LRRTM4: variants seen among roughly 807,000 people sequenced by gnomAD.
The protein encoded by LRRTM4 is leucine rich repeat transmembrane neuronal 4, also known as leucine-rich repeat transmembrane neuronal protein 4.
LRRTM4 carries 25 observed loss-of-function variants against 47.6 expected under a neutral mutation model. The observed-to-expected ratio is 0.53, with a 90% CI of 0.38 to 0.73. The LOEUF (loss-of-function observed/expected upper bound fraction) is 0.73, where lower values mean the gene tolerates loss of function less well. Ranked by LOEUF, LRRTM4 falls within the 30% of genes least tolerant of loss-of-function variation. The probability of loss-of-function intolerance (pLI) is 0.00; values close to 1 mark genes in which losing one functional copy is unlikely to be tolerated. For synonymous variants in LRRTM4, 311 were observed against 269.5 expected (o/e 1.15, Z -1.51); for missense variants, 638 against 713.4 (o/e 0.89, Z 1.20).
intron 3 of LRRTM4, among the ~76,000 whole-genome samples, chr2:77,241,658 T>C (rs1675272046): frequency 6.6e-6 from 1 of 152,114 alleles, no homozygotes; most frequent in African/African-American, 2.4e-5. Context: ...TGAATATACA[T>C]AATTACAAGA....
At chr2:77,145,671 G>A (rs1159287934) in intron 3 of LRRTM4, among the ~76,000 whole-genome samples, 1 of 151,778 alleles carries the variant, frequency 6.6e-6, no homozygotes, top group Non-Finnish European at 1.5e-5. Flanking sequence ...CTACTCGGGA[G>A]GCTGAGGCAG....
At chr2:76,944,165 C>T (rs1344527956) in intron 3 of LRRTM4, among the ~76,000 whole-genome samples, 8 of 152,084 alleles carry the variant, frequency 5.3e-5, no homozygotes, top group African/African-American at 1.9e-4. Context: ...GTCACACTAG[C>T]TTTCACTGTG....
chr2:77,101,084 C>G lies in LRRTM4; in HGVS notation c.1552-352168G>C, dbSNP rs191388000. Among the ~76,000 whole-genome samples, 587 of 152,144 alleles carry G rather than the reference C, an allele frequency of 3.9e-3. 2 individuals carry two copies. The highest frequency in any genetic ancestry group is 0.014 in the African/African-American group (566 of 41,524). ...TCTCCTGACCTCGTGATCCACCCGCCTCGGCCTCCCAAAGTGCTGGGACGT... is the reference window on the plus strand; with the variant it reads ...TCTCCTGACCTCGTGATCCACCCGCGTCGGCCTCCCAAAGTGCTGGGACGT... On this transcript the variant is annotated intron_variant, in intron 3 of 3. Transcript: ENST00000409884.
At chr2:77,291,469 A>C (rs1310392271) in intron 3 of LRRTM4, among the ~76,000 whole-genome samples, 1 of 152,124 alleles carries the variant, frequency 6.6e-6, no homozygotes, top group Non-Finnish European at 1.5e-5. Flanking sequence ...ATTCGTTTGC[A>C]TGTACATAGG....
intron 3 of LRRTM4, among the ~76,000 whole-genome samples, chr2:77,393,528 T>G (rs1409329205): frequency 2.6e-5 from 4 of 152,012 alleles, no homozygotes; most frequent in Admixed American, 2.6e-4. Context: ...AAGGCTGACA[T>G]AGACCACCTA....
chr2:77,242,793 T>G (rs537281817), intron 3 of LRRTM4, among the ~76,000 whole-genome samples: 1 of 152,276 alleles, frequency 6.6e-6, no homozygotes, highest in South Asian at 2.1e-4. Flanking sequence ...ATAATGAAAC[T>G]GCTATGAAAA....
chr2:77,449,037 A>C, intron 3 of LRRTM4, among the ~76,000 whole-genome samples: 1 of 152,138 alleles, frequency 6.6e-6, no homozygotes, highest in Non-Finnish European at 1.5e-5. Context: ...CATGATTCCT[A>C]ACATAAGGAA....
chr2:77,081,301 T>G (rs996880441), intron 3 of LRRTM4, among the ~76,000 whole-genome samples: 1 of 147,600 alleles, frequency 6.8e-6, no homozygotes, highest in African/African-American at 2.5e-5. Flanking sequence ...CATAAATTTG[T>G]TGGAAAAGAG....
intron 3 of LRRTM4, among the ~76,000 whole-genome samples, chr2:77,318,225 C>G (rs568889280): frequency 2.0e-4 from 31 of 152,242 alleles, no homozygotes; most frequent in Admixed American, 9.2e-4. Context: ...CAAGGATGGT[C>G]TTGATCTCCT....
At chr2:77,110,389 T>C (rs1671218130) in intron 3 of LRRTM4, among the ~76,000 whole-genome samples, 1 of 152,188 alleles carries the variant, frequency 6.6e-6, no homozygotes, top group Non-Finnish European at 1.5e-5. Flanking sequence ...ACAACCTTGC[T>C]AAAGTTTCTC....
At chr2:76,969,870 G>T (rs949168030) in intron 3 of LRRTM4, among the ~76,000 whole-genome samples, 1 of 151,836 alleles carries the variant, frequency 6.6e-6, no homozygotes, top group Non-Finnish European at 1.5e-5. Flanking sequence ...AAGAAATGGC[G>T]GATTAGAGAC....
intron 3 of LRRTM4, among the ~76,000 whole-genome samples, chr2:77,137,499 A>G (rs9710961): frequency 0.36 from 54,837 of 151,328 alleles, 11,181 homozygotes; most frequent in African/African-American, 0.52. Context: ...AGGAACAATC[A>G]GTACCAGCCA....
chr2:77,064,209 C>G (rs1457363139), intron 3 of LRRTM4, among the ~76,000 whole-genome samples: 4 of 151,962 alleles, frequency 2.6e-5, no homozygotes, highest in Non-Finnish European at 5.9e-5. Context: ...CTAATTTTAT[C>G]CAATAAGTAC....
intron 3 of LRRTM4, among the ~76,000 whole-genome samples, chr2:77,012,847 G>T (rs571582121): frequency 6.6e-6 from 1 of 152,028 alleles, no homozygotes; most frequent in African/African-American, 2.4e-5. Flanking sequence ...AAGCCACCAC[G>T]GATATATAAT....
chr2:76,769,055 C>G lies in LRRTM4; in HGVS notation c.1552-20139G>C, dbSNP rs1248563686. 4.3e-4 allele frequency among the ~76,000 whole-genome samples: 66 copies of G among 152,120 alleles called. 1 individual carries two copies. The highest frequency in any genetic ancestry group is 4.3e-3 in the Admixed American group (66 of 15,264). On this transcript the variant is annotated intron_variant, in intron 3 of 3. Coordinates refer to ENST00000409884, the MANE Select transcript of LRRTM4 (RefSeq NM_001134745.3). The stretch of plus-strand genomic sequence containing the variant: ...ACAGTTTAAGAAATGACTCAACTTT[C>G]TTTGAGGGCCTCCTCATAATCACTA...
Position 76,748,983 on chromosome 2 carries a change from T to G in LRRTM4, c.1552-67A>C, listed in dbSNP as rs1396538498. 7 of 1,305,080 alleles carry G rather than the reference T, an allele frequency of 5.4e-6. No individual in the cohort carries two copies. In the East Asian group the frequency reaches 9.8e-5, roughly 18 times the overall value. The allele number at this position is 1,305,080 out of a possible 1,614,324, so 80.8% of individuals were successfully genotyped here. ...CTTTGGAAAGATAGGACAGCACTCA[T>G]CAGGTTGTATTTTTGTTCTCTTTCA... is the stretch of plus-strand genomic sequence containing the variant. On this transcript the variant is annotated intron_variant, in intron 3 of 3. Transcript: ENST00000409884.
In LRRTM4 at chr2:76,747,958, G is replaced by A. The variant is rs1672703748; in HGVS notation, c.*737C>T. 1 of 152,098 alleles carries A rather than the reference G, an allele frequency of 6.6e-6. No individual in the cohort carries two copies. The highest frequency in any genetic ancestry group is 1.5e-5 in the Non-Finnish European group (1 of 68,038). The allele number at this position is 152,098 out of a possible 1,614,324, so 9.4% of individuals were successfully genotyped here. On this transcript the variant is annotated 3_prime_UTR_variant, in exon 4 of 4. Coordinates refer to ENST00000409884, the MANE Select transcript of LRRTM4 (RefSeq NM_001134745.3). ...CTCTCTCAGGCATCCTACACAGTGA[G>A]GGCTGCCAATGGGACAAAACAAAAT... is the stretch of plus-strand genomic sequence containing the variant.
At chr2:76,936,225 T>C (rs1256289907) in intron 3 of LRRTM4, among the ~76,000 whole-genome samples, 3 of 152,152 alleles carry the variant, frequency 2.0e-5, no homozygotes, top group Admixed American at 6.5e-5. Flanking sequence ...AAAGAAAATA[T>C]GGTGCATATA....
chr2:77,378,274 C>T (rs547930916), intron 3 of LRRTM4, among the ~76,000 whole-genome samples: 2 of 151,958 alleles, frequency 1.3e-5, no homozygotes, highest in South Asian at 2.1e-4. Context: ...ACTTTATTAA[C>T]CTGCTTTTAT....
Sources: allele counts gnomAD v4.1 joint callset (sites outside exome capture counted in the v4.1 genomes callset), GRCh38; gene constraint gnomAD v4.1.1; transcripts MANE v1.5; gene names NCBI Gene and HGNC (gene_info 2026-07-23, HGNC 2026-07-21).